GPR173: variants seen among roughly 807,000 people sequenced by gnomAD.
GPR173 encodes the protein G protein-coupled receptor 173, also known as probable G protein-coupled receptor 173.
GPR173 carries 2 observed loss-of-function variants against 13.9 expected under a neutral mutation model. That is an observed-to-expected ratio of 0.14 (90% CI 0.06 to 0.45). The LOEUF (loss-of-function observed/expected upper bound fraction) is 0.45, where lower values mean the gene tolerates loss of function less well. Ranked by LOEUF, GPR173 falls within the 20% of genes least tolerant of loss-of-function variation. The probability of loss-of-function intolerance (pLI) is 0.98; values close to 1 mark genes in which losing one functional copy is unlikely to be tolerated. For synonymous variants in GPR173, 131 were observed against 141.0 expected (o/e 0.93, Z 0.50); for missense variants, 202 against 340.5 (o/e 0.59, Z 3.20).
chrX:53,059,389 C>T (rs945227892), intron 1 of GPR173, among the ~76,000 whole-genome samples: 12 of 108,434 alleles, frequency 1.1e-4, no homozygotes, highest in East Asian at 2.9e-4. Context: ...GCCTCCATGC[C>T]GGGCTAATTT....
rs189160643 is a variant in GPR173, at chrX:53,079,571, G to C, written c.*1828G>C. On this transcript the variant is annotated 3_prime_UTR_variant, in exon 2 of 2. Transcript: ENST00000332582. ...AACTGAAATGAACAATGCTATACTG[G>C]ATGTTTTCTCTTTCTGACTGTGTGT... The C allele has an allele frequency of 1.6e-4, 18 of 112,869 alleles. No individual in the cohort carries two copies. The highest frequency in any genetic ancestry group is 4.7e-3 in the Middle Eastern group (1 of 213). 9.3% of individuals were successfully genotyped at this position (112,869 alleles called of 1,213,427 possible).
chrX:53,049,916 A>T (rs1931930338), intron 1 of GPR173, among the ~76,000 whole-genome samples: 1 of 104,931 alleles, frequency 9.5e-6, no homozygotes, highest in Non-Finnish European at 1.9e-5. Flanking sequence ...CTCCTCCAGG[A>T]TCCCTGGCCT....
chrX:53,048,910 GC>G lies in GPR173; in HGVS notation c.-665del, dbSNP rs1291747437. On this transcript the variant is annotated 5_prime_UTR_variant, in exon 1 of 2. The change abolishes the stop of an existing upstream ORF in the 5' untranslated region. Transcript: ENST00000332582. ...GGGAGCGGGGTGAGCCTGGATGAGA[GC>G]CCCCCCAACCTGGGGCTCTCCCAGG... Among the ~76,000 whole-genome samples, 1 of 110,864 alleles carries G rather than the reference GC, an allele frequency of 9.0e-6. No homozygotes were observed. The highest frequency in any genetic ancestry group is 3.3e-5 in the African/African-American group (1 of 30,553).
At position 53,079,229 on chromosome X, in the gene GPR173, C is replaced by T. The variant is rs1932492615; in HGVS notation, c.*1486C>T. On this transcript the variant is annotated 3_prime_UTR_variant, in exon 2 of 2. Coordinates refer to ENST00000332582, the MANE Select transcript of GPR173 (RefSeq NM_018969.6). The stretch of plus-strand genomic sequence containing the variant: ...TTCCCTTCTTTATAGAAGTCCCTGT[C>T]CTAAACTCCCTCCCTAGCCCAAGAG... 1 of 122,532 alleles carries T rather than the reference C, an allele frequency of 8.2e-6. No homozygotes were observed. Among genetic ancestry groups the T allele is most frequent in the Non-Finnish European group, 1.9e-5 (1 of 53,071 alleles). 10.1% of individuals were successfully genotyped at this position (122,532 alleles called of 1,213,427 possible).
intron 1 of GPR173, among the ~76,000 whole-genome samples, chrX:53,060,213 C>T (rs977875890): frequency 9.2e-6 from 1 of 108,870 alleles, no homozygotes; most frequent in Admixed American, 9.9e-5. Context: ...GCAGCGGCAC[C>T]ATCTTACCTC....
chrX:53,076,972 C>T lies in GPR173; in HGVS notation c.351C>T (p.Ile117=), dbSNP rs1804500936. 1.7e-6 allele frequency: 2 copies of T among 1,208,750 alleles called. No homozygotes were observed. Among genetic ancestry groups the T allele is most frequent in the Middle Eastern group, 2.3e-4 (1 of 4,374 alleles). The change falls in exon 2 of 2, where the codon ATC becomes ATT. Residue 117 remains isoleucine, a synonymous_variant. Coordinates refer to ENST00000332582, the MANE Select transcript of GPR173 (RefSeq NM_018969.6). The part of the protein sequence containing the change: ...CFHAAFMLFC[I]SVTRYMAIAH... ...ATGCGGCCTTCATGCTGTTCTGCAT[C>T]AGCGTCACCCGCTACATGGCCATCG...
intron 1 of GPR173, among the ~76,000 whole-genome samples, chrX:53,069,808 G>GGT (rs1340163166): frequency 3.6e-5 from 4 of 111,131 alleles, no homozygotes; most frequent in Non-Finnish European, 5.7e-5. Flanking sequence ...TATGTGAATG[G>GGT]GTGTGTGTGT....
At position 53,079,766 on chromosome X, in the gene GPR173, A is replaced by G. The variant is rs1471017487; in HGVS notation, c.*2023A>G. The G allele has an allele frequency of 2.1e-5, 2 of 94,820 alleles. No individual in the cohort carries two copies. The highest frequency in any genetic ancestry group is 6.6e-4 in the East Asian group (2 of 3,047). The allele number at this position is 94,820 out of a possible 1,213,427, so 7.8% of individuals were successfully genotyped here. ...ATATGGGGACAGATACAGCACGTGCATGCATACACACACACACACACACAC... is the reference window on the plus strand; with the variant it reads ...ATATGGGGACAGATACAGCACGTGCGTGCATACACACACACACACACACAC... On this transcript the variant is annotated 3_prime_UTR_variant, in exon 2 of 2. Coordinates refer to ENST00000332582, the MANE Select transcript of GPR173 (RefSeq NM_018969.6).
rs1556806146 is a variant in GPR173 at position 53,078,014 on chromosome X, C to G, written c.*271C>G. 1.3e-5 allele frequency: 4 copies of G among 310,886 alleles called. No individual in the cohort carries two copies. The highest frequency in any genetic ancestry group is 9.2e-5 in the South Asian group (1 of 10,835). 25.6% of individuals were successfully genotyped at this position (310,886 alleles called of 1,213,427 possible). ...ACAATCTCATTCTCTCTCTCTCTCT[C>G]TCTGTCTCTCTCTCTCTCTCTCTCT... On this transcript the variant is annotated 3_prime_UTR_variant, in exon 2 of 2. Coordinates refer to ENST00000332582, the MANE Select transcript of GPR173 (RefSeq NM_018969.6).
At position 53,049,085 on chromosome X, in the gene GPR173, A is replaced by AGGGGGGGGGGGGGGGGG. The variant is rs1931917459; in HGVS notation, c.-492_-491insGGGGGGGGGGGGGGGGG. 1 of 23,269 alleles carries AGGGGGGGGGGGGGGGGG rather than the reference A, an allele frequency of 4.3e-5. No individual in the cohort carries two copies. Among genetic ancestry groups the AGGGGGGGGGGGGGGGGG allele is most frequent in the African/African-American group, 1.7e-4 (1 of 5,957 alleles). The allele number at this position is 23,269 out of a possible 1,213,427, so 1.9% of individuals were successfully genotyped here. A position where few individuals can be genotyped will look rare whatever the true frequency, so the allele number is the denominator to read the frequency against. ...GGGGGGGGTGGGGGGTGGGGGGGGT[A>AGGGGGGGGGGGGGGGGG]GGGGGACCGGCAGCCAGGCAGGCAG... On this transcript the variant is annotated 5_prime_UTR_variant, in exon 1 of 2. Transcript: ENST00000332582.
At chrX:53,070,039 G>C (rs989218841) in intron 1 of GPR173, among the ~76,000 whole-genome samples, 3 of 111,148 alleles carry the variant, frequency 2.7e-5, no homozygotes, top group African/African-American at 9.8e-5. Flanking sequence ...ACACATGGTA[G>C]GGTTCAAGTG....
intron 1 of GPR173, among the ~76,000 whole-genome samples, chrX:53,068,229 T>A (rs1602092502): frequency 9.0e-6 from 1 of 111,356 alleles, no homozygotes; most frequent in Non-Finnish European, 1.9e-5. Context: ...TCCACTGAGA[T>A]TCATTACAGT....
chrX:53,067,689 T>C (rs1932201654), intron 1 of GPR173, among the ~76,000 whole-genome samples: 1 of 110,899 alleles, frequency 9.0e-6, no homozygotes, highest in Non-Finnish European at 1.9e-5. Context: ...CCGGGCATGG[T>C]GGCAGGTGCC....
chrX:53,074,061 A>ATTT (rs1932340794), intron 1 of GPR173, among the ~76,000 whole-genome samples: 1 of 30,894 alleles, frequency 3.2e-5, no homozygotes, highest in Non-Finnish European at 4.4e-5. Flanking sequence ...TATATTTATA[A>ATTT]ATATATAAAT....
chrX:53,052,942 A>G (rs1931982787), intron 1 of GPR173, among the ~76,000 whole-genome samples: 1 of 111,215 alleles, frequency 9.0e-6, no homozygotes, highest in Admixed American at 9.5e-5. Context: ...GTGTACTTCC[A>G]TGTGTACATG....
At chrX:53,074,066 A>ATG (rs1932341912) in intron 1 of GPR173, among the ~76,000 whole-genome samples, 1 of 48,779 alleles carries the variant, frequency 2.1e-5, no homozygotes, top group Non-Finnish European at 3.3e-5. Context: ...TTATAAATAT[A>ATG]TAAATATACA....
chrX:53,050,458 T>C (rs897075613), intron 1 of GPR173, among the ~76,000 whole-genome samples: 1 of 112,098 alleles, frequency 8.9e-6, no homozygotes, highest in African/African-American at 3.3e-5. Context: ...ATGGAGAACA[T>C]GGATCCTCCC....
chrX:53,076,449 ATC>A (rs1932432813), intron 1 of GPR173, 74 bp from the exon 2 acceptor site: 1 of 382,000 alleles, frequency 2.6e-6, no homozygotes, highest in Non-Finnish European at 4.5e-6. Flanking sequence ...TCTTGCCCTC[ATC>A]TCTCTGTCTC....
At chrX:53,053,857 G>A (rs1271351549) in intron 1 of GPR173, among the ~76,000 whole-genome samples, 2 of 112,473 alleles carry the variant, frequency 1.8e-5, no homozygotes, top group Non-Finnish European at 3.8e-5. Context: ...GGGCTTTTGT[G>A]GGGGTCTCAG....
Sources: gnomAD v4.1 joint callset for allele counts (sites outside exome capture counted in the v4.1 genomes callset) on GRCh38, gnomAD v4.1.1 for gene constraint, MANE v1.5 for transcripts, NCBI Gene and HGNC (gene_info 2026-07-23, HGNC 2026-07-21) for gene names.